Variants in NTM observed in about 807,000 individuals in gnomAD.
The protein encoded by NTM is IgLON family member 2.
Under a neutral mutation model 42.1 loss-of-function variants are expected in NTM, and 13 were observed. The observed-to-expected ratio is 0.31, with a 90% CI of 0.20 to 0.49. NTM has a LOEUF of 0.49. Among genes scored for constraint, NTM ranks in the 20% least tolerant of loss-of-function variants. The pLI is 0.99. For missense variants in NTM, 373 were observed against 452.8 expected, an observed-to-expected ratio of 0.82 and a Z score of 1.60; for synonymous variants, 187 against 179.2, an observed-to-expected ratio of 1.04 and a Z score of -0.35.
chr11:132,274,426 C>A (rs2093628730), intron 4 of NTM, among the ~76,000 whole-genome samples: 1 of 151,870 alleles, frequency 6.6e-6, no homozygotes, highest in African/African-American at 2.4e-5. Flanking sequence ...TTTAAAGTTT[C>A]AATATATTAT....
At chr11:131,943,671 C>A (rs887709878) in intron 2 of NTM, among the ~76,000 whole-genome samples, 4 of 152,176 alleles carry the variant, frequency 2.6e-5, no homozygotes, top group Non-Finnish European at 4.4e-5. Flanking sequence ...GCTAGTTGGC[C>A]CAAGCATGGA....
intron 1 of NTM, among the ~76,000 whole-genome samples, chr11:131,759,410 C>A (rs2083794004): frequency 6.6e-6 from 1 of 152,214 alleles, no homozygotes; most frequent in Non-Finnish European, 1.5e-5. Flanking sequence ...ATGCCATTTA[C>A]ACAGCTTTGC....
At position 131,389,244 on chromosome 11, in the gene NTM, T is replaced by C. The variant is rs1297857215; in HGVS notation, c.82+18356T>C. Among the ~76,000 whole-genome samples the C allele has an allele frequency of 2.0e-5, 3 of 152,258 alleles. No individual in the cohort carries two copies. In the South Asian group the frequency reaches 6.2e-4, roughly 32 times the overall value. The stretch of plus-strand genomic sequence containing the variant: ...AGGTTCCCTGCAGCCACCCCTTACC[T>C]GCCCCAGGTGACAGGATGCCACCTC... On this transcript the variant is annotated intron_variant, in intron 1 of 8. Transcript: ENST00000683400.
intron 2 of NTM, among the ~76,000 whole-genome samples, chr11:131,999,243 C>T (rs1345730333): frequency 6.6e-6 from 1 of 152,122 alleles, no homozygotes; most frequent in Non-Finnish European, 1.5e-5. Flanking sequence ...CCACCTCTTT[C>T]CCTTGCTATT....
intron 3 of NTM, among the ~76,000 whole-genome samples, chr11:132,154,302 A>C (rs549030111): frequency 1.3e-5 from 2 of 152,232 alleles, no homozygotes; most frequent in Non-Finnish European, 2.9e-5. Context: ...GGAAAAGAAC[A>C]TGACAAACAC....
intron 1 of NTM, among the ~76,000 whole-genome samples, chr11:131,442,976 C>A (rs934661123): frequency 6.6e-6 from 1 of 152,050 alleles, no homozygotes; most frequent in African/African-American, 2.4e-5. Context: ...ATAATAATTT[C>A]TTTTCCTTTG....
At chr11:132,283,395 G>A (rs1169367994) in intron 4 of NTM, among the ~76,000 whole-genome samples, 1 of 152,152 alleles carries the variant, frequency 6.6e-6, no homozygotes, top group Admixed American at 6.5e-5. Flanking sequence ...ATAGTTCTAA[G>A]GGAGTGGCTC....
intron 1 of NTM, among the ~76,000 whole-genome samples, chr11:131,678,811 G>C (rs1339149556): frequency 1.3e-5 from 2 of 152,124 alleles, no homozygotes; most frequent in African/African-American, 2.4e-5. Context: ...TGAAGCAGAG[G>C]CATGGCCAGA....
At chr11:132,245,962 C>A (rs1481376424) in intron 4 of NTM, among the ~76,000 whole-genome samples, 1 of 152,294 alleles carries the variant, frequency 6.6e-6, no homozygotes, top group East Asian at 1.9e-4. Context: ...GCGTCAGGAT[C>A]TTTTCTCCCC....
chr11:131,666,695 C>T (rs913759877), intron 1 of NTM, among the ~76,000 whole-genome samples: 4 of 152,172 alleles, frequency 2.6e-5, no homozygotes, highest in African/African-American at 9.7e-5. Context: ...CAACAGAGTC[C>T]TCAGCCTCTC....
intron 4 of NTM, among the ~76,000 whole-genome samples, chr11:132,220,244 G>C (rs2084865323): frequency 1.3e-5 from 2 of 152,172 alleles, no homozygotes; most frequent in Admixed American, 6.5e-5. Flanking sequence ...TTGGGGAAAA[G>C]TGTCCAGGAA....
chr11:131,876,086 A>AT (rs951433790), intron 1 of NTM, among the ~76,000 whole-genome samples: 16 of 151,750 alleles, frequency 1.1e-4, no homozygotes, highest in Admixed American at 2.0e-4. Context: ...GATAAAGTAG[A>AT]TTTTTTTTTC....
At chr11:131,519,314 G>A (rs113083122) in intron 1 of NTM, among the ~76,000 whole-genome samples, 2 of 150,968 alleles carry the variant, frequency 1.3e-5, no homozygotes, top group African/African-American at 2.4e-5. Flanking sequence ...TTACTTTCAG[G>A]TCTTCATAGG....
chr11:131,640,717 C>G (rs1217369213), intron 1 of NTM, among the ~76,000 whole-genome samples: 2 of 152,136 alleles, frequency 1.3e-5, no homozygotes, highest in Admixed American at 6.5e-5. Context: ...TTTAAAAAAC[C>G]TGTAGATGTC....
intron 1 of NTM, among the ~76,000 whole-genome samples, chr11:131,546,155 G>A (rs1449447305): frequency 2.0e-5 from 3 of 152,182 alleles, no homozygotes; most frequent in Non-Finnish European, 4.4e-5. Context: ...AGATAGGAAA[G>A]GTTTGAAGCG....
intron 1 of NTM, among the ~76,000 whole-genome samples, chr11:131,591,788 G>A (rs1205254477): frequency 2.6e-5 from 4 of 152,206 alleles, no homozygotes; most frequent in African/African-American, 9.7e-5. Flanking sequence ...GCAGGCACCA[G>A]CATGAATGGG....
At chr11:131,474,459 G>T (rs1185273884) in intron 1 of NTM, among the ~76,000 whole-genome samples, 1 of 152,050 alleles carries the variant, frequency 6.6e-6, no homozygotes, top group African/African-American at 2.4e-5. Flanking sequence ...TCCAGTCCAT[G>T]AGTTCCACCC....
chr11:132,023,779 T>TG lies in NTM; in HGVS notation c.167+112132dup, dbSNP rs1352879449. On this transcript the variant is annotated intron_variant, in intron 2 of 8. Coordinates refer to ENST00000683400, the MANE Select transcript of NTM (RefSeq NM_001352005.2). ...TTGTTGTTGGTGGTGGTTTTGTTGT[T>TG]GTTGGTGGTTTTGTTGTTGGTGGTG... Among the ~76,000 whole-genome samples the TG allele has an allele frequency of 9.9e-4, 94 of 95,394 alleles. 2 individuals are homozygous for TG. Among genetic ancestry groups the TG allele is most frequent in the African/African-American group, 2.7e-3 (75 of 27,392 alleles). 62.6% of individuals were successfully genotyped at this position (95,394 alleles called of 152,430 possible).
chr11:131,816,114 G>A (rs1048670952), intron 1 of NTM, among the ~76,000 whole-genome samples: 1 of 152,116 alleles, frequency 6.6e-6, no homozygotes, highest in Admixed American at 6.5e-5. Context: ...GGAAAATTCT[G>A]CCTTTTTTGA....
Sources: gnomAD v4.1 joint callset for allele counts (sites outside exome capture counted in the v4.1 genomes callset) on GRCh38, gnomAD v4.1.1 for gene constraint, MANE v1.5 for transcripts, NCBI Gene and HGNC (gene_info 2026-07-23, HGNC 2026-07-21) for gene names.